BCAP29: variants seen among roughly 807,000 people sequenced by gnomAD.
BCAP29 encodes B cell receptor associated protein 29, also known as B-cell receptor-associated protein 29.
A neutral mutation model predicts 31.8 loss-of-function variants in BCAP29; 34 were observed. The observed-to-expected ratio is 1.07, with a 90% confidence interval of 0.81 to 1.42. The LOEUF (loss-of-function observed/expected upper bound fraction) is 1.42, where lower values mean the gene tolerates loss of function less well. BCAP29 is among the 40% of genes most tolerant of loss of function. The probability of loss-of-function intolerance (pLI) is 0.00; values close to 1 mark genes in which losing one functional copy is unlikely to be tolerated. For missense variants in BCAP29, 314 were observed against 269.2 expected, an observed-to-expected ratio of 1.17 and a Z score of -1.16; for synonymous variants, 104 against 91.3, an observed-to-expected ratio of 1.14 and a Z score of -0.79.
At chr7:107,608,040 GT>G (rs1440290104) in intron 6 of BCAP29, among the ~76,000 whole-genome samples, 3 of 152,036 alleles carry the variant, frequency 2.0e-5, no homozygotes, top group Admixed American at 2.0e-4. Flanking sequence ...TAACTTATCA[GT>G]TTTGATGTTG....
At chr7:107,596,084 A>G in intron 5 of BCAP29, 82 bp downstream of exon 5, 1 of 1,206,498 alleles carries the variant, frequency 8.3e-7, no homozygotes, top group Non-Finnish European at 1.1e-6. Context: ...CAAAAAGAGC[A>G]TTTTTATATT....
chr7:107,600,517 T>G lies in BCAP29; in HGVS notation c.589+12T>G. The G allele has an allele frequency of 6.7e-7, 1 of 1,494,548 alleles. No homozygotes were observed. Among genetic ancestry groups the G allele is most frequent in the Non-Finnish European group, 9.3e-7 (1 of 1,079,264 alleles). 92.6% of individuals were successfully genotyped at this position (1,494,548 alleles called of 1,614,324 possible). A position where few individuals can be genotyped will look rare whatever the true frequency, so the allele number is the denominator to read the frequency against. The stretch of plus-strand genomic sequence containing the variant: ...GAAGACTTCAGATGGTAACTTTGTG[T>G]ACATGTGAAAAAGTAAAAAGACTAG... On this transcript the variant is annotated intron_variant, in intron 6 of 7. Transcript: ENST00000005259.
At chr7:107,613,603 G>T (rs1243356902) in intron 7 of BCAP29, 171 bp downstream of exon 7, 1 of 1,526,404 alleles carries the variant, frequency 6.6e-7, no homozygotes, top group Non-Finnish European at 9.1e-7. Context: ...TTAGGACATT[G>T]CAGGAAAATA....
In BCAP29 at chr7:107,599,973, C is replaced by A. The variant is rs116587604; in HGVS notation, c.481-424C>A. Among the ~76,000 whole-genome samples, 1,301 of 152,228 alleles carry A rather than the reference C, an allele frequency of 8.5e-3. 25 individuals are homozygous for A. The highest frequency in any genetic ancestry group is 0.029 in the African/African-American group (1,186 of 41,554). ...TCCACTCTGACATATTCTTCTCTTA[C>A]AAATTTGTCTGTATAAAAATAGGCT... On this transcript the variant is annotated intron_variant, in intron 5 of 7. Transcript: ENST00000005259.
intron 3 of BCAP29, among the ~76,000 whole-genome samples, chr7:107,585,030 A>G (rs1467489767): frequency 1.3e-5 from 2 of 152,240 alleles, no homozygotes; most frequent in Non-Finnish European, 2.9e-5. Flanking sequence ...CATGAGTCTT[A>G]GTAATCACCA....
At chr7:107,611,344 A>C (rs1483980954) in intron 6 of BCAP29, among the ~76,000 whole-genome samples, 1 of 152,110 alleles carries the variant, frequency 6.6e-6, no homozygotes, top group Non-Finnish European at 1.5e-5. Flanking sequence ...AGGTGAGAGA[A>C]TTGCTTGAGC....
rs750878340 is a variant in BCAP29, at chr7:107,583,953, T to G, written c.164T>G (p.Ile55Ser). 3.8e-6 allele frequency: 6 copies of G among 1,580,820 alleles called. No individual in the cohort carries two copies. Among genetic ancestry groups the G allele is most frequent in the Non-Finnish European group, 5.2e-6 (6 of 1,161,116 alleles). ...ATFWNKAFLT[I>S]IILLIVLFLD... ...TTTTGGAACAAGGCTTTCCTTACCATTATCATCCTATTGATTGTTCTATTT... is the reference window on the plus strand; with the variant it reads ...TTTTGGAACAAGGCTTTCCTTACCAGTATCATCCTATTGATTGTTCTATTT... Residue 55 changes from isoleucine to serine, a missense_variant, in exon 3 of 8, where the codon ATT becomes AGT. Transcript: ENST00000005259.
chr7:107,618,711 C>A lies in BCAP29; in HGVS notation c.*348C>A. 2.4e-6 allele frequency: 2 copies of A among 841,560 alleles called. No homozygotes were observed. The highest frequency in any genetic ancestry group is 3.6e-6 in the Non-Finnish European group (2 of 556,450). The allele number at this position is 841,560 out of a possible 1,614,324, so 52.1% of individuals were successfully genotyped here. On this transcript the variant is annotated 3_prime_UTR_variant, in exon 8 of 8. Transcript: ENST00000005259. ...TAAGTTGCATGAAACCATTAATAGC[C>A]TTGAAAGCTTTGATAAGTTTTCAGT...
At chr7:107,621,817 T>C (rs1427598545), downstream of BCAP29, 2 of 507,978 alleles carry the variant, frequency 3.9e-6, no homozygotes, top group South Asian at 2.9e-5. Flanking sequence ...ATAAAACTGA[T>C]ATTGGACTTC....
At chr7:107,622,049 A>G (rs1476068563), downstream of BCAP29, 3 of 435,912 alleles carry the variant, frequency 6.9e-6, no homozygotes, top group African/African-American at 4.1e-5. Context: ...GCCATCTCCT[A>G]TCTTAGTTAC....
chr7:107,606,102 C>G (rs879806376), intron 6 of BCAP29, among the ~76,000 whole-genome samples: 1 of 152,190 alleles, frequency 6.6e-6, no homozygotes, highest in Non-Finnish European at 1.5e-5. Flanking sequence ...CTTGAATTAT[C>G]TAATTAATTG....
At chr7:107,580,623 G>C (rs752638322) in intron 1 of BCAP29, 136 bp from the exon 2 acceptor site, 73 of 605,932 alleles carry the variant, frequency 1.2e-4, no homozygotes, top group Non-Finnish European at 2.0e-4. Flanking sequence ...CTTCCTGACC[G>C]GGGTCCGTGC....
Position 107,618,413 on chromosome 7 carries a change from T to C in BCAP29, c.*50T>C, listed in dbSNP as rs1814573378. ...TACTGTGTCAAAATGATAATTTTGT[T>C]ATGTTAGCCTCTAGAAAATTTAAGT... On this transcript the variant is annotated 3_prime_UTR_variant, in exon 8 of 8. Coordinates refer to ENST00000005259, the MANE Select transcript of BCAP29 (RefSeq NM_018844.4). 1.9e-6 allele frequency: 3 copies of C among 1,612,220 alleles called. No individual in the cohort carries two copies. The highest frequency in any genetic ancestry group is 1.7e-6 in the Non-Finnish European group (2 of 1,178,736).
intron 3 of BCAP29, chr7:107,587,413 T>C (rs2129218874): frequency 6.6e-6 from 1 of 152,344 alleles, no homozygotes; most frequent in Non-Finnish European, 1.5e-5. Flanking sequence ...ATCTTCAGCT[T>C]TTCTGCATAA....
At chr7:107,615,295 A>C in intron 7 of BCAP29, 1 of 456,722 alleles carries the variant, frequency 2.2e-6, no homozygotes, top group Non-Finnish European at 4.4e-6. Flanking sequence ...AAGGAAGTAG[A>C]AAGCTTTTAA....
intron 6 of BCAP29, among the ~76,000 whole-genome samples, chr7:107,607,504 A>G (rs1012387039): frequency 2.6e-5 from 4 of 151,396 alleles, no homozygotes; most frequent in Non-Finnish European, 5.9e-5. Context: ...CATCCTTTCA[A>G]TTTAAATATA....
chr7:107,593,110 GC>G (rs1809176055), intron 3 of BCAP29, among the ~76,000 whole-genome samples: 1 of 152,082 alleles, frequency 6.6e-6, no homozygotes, highest in East Asian at 1.9e-4. Context: ...AGTCAAAAAG[GC>G]CCCAGTTTTC....
At chr7:107,583,734 GTCATGTCAGAATTAATAAA>G in intron 2 of BCAP29, 129 bp from the exon 3 acceptor site, 1 of 446,760 alleles carries the variant, frequency 2.2e-6, no homozygotes, top group Non-Finnish European at 4.0e-6. Context: ...GAGATATTCT[GTCATGTCAGAATTAATAAA>G]TTTTAAAATT....
intron 5 of BCAP29, among the ~76,000 whole-genome samples, chr7:107,599,445 A>G (rs1416646941): frequency 3.4e-5 from 5 of 146,024 alleles, no homozygotes; most frequent in African/African-American, 1.3e-4. Flanking sequence ...ACTTAAGCCC[A>G]GGAGGTCAGG....
Sources: gnomAD v4.1 joint callset for allele counts (sites outside exome capture counted in the v4.1 genomes callset) on GRCh38, gnomAD v4.1.1 for gene constraint, MANE v1.5 for transcripts, NCBI Gene and HGNC (gene_info 2026-07-23, HGNC 2026-07-21) for gene names.